POLR1A: variants seen among roughly 807,000 people sequenced by gnomAD.
POLR1A encodes RNA polymerase I subunit A, also known as DNA-directed RNA polymerase I subunit RPA1.
A neutral mutation model predicts 205.3 loss-of-function variants in POLR1A; 84 were observed. That is an observed-to-expected ratio of 0.41 (90% CI 0.34 to 0.49). The LOEUF (loss-of-function observed/expected upper bound fraction) is 0.49. POLR1A is among the 20% of genes least tolerant of loss of function. POLR1A has a pLI of 0.22. For missense variants in POLR1A, 1,645 were observed against 2,204.5 expected (o/e 0.75, Z 5.08); for synonymous variants, 799 against 863.7 (o/e 0.93, Z 1.31).
chr2:86,083,057 C>G, intron 7 of POLR1A, 25 bp downstream of exon 7: 1 of 1,548,078 alleles, frequency 6.5e-7, no homozygotes, highest in Non-Finnish European at 8.9e-7. Context: ...AAGATCAAGG[C>G]TATTTCTTTA....
chr2:86,033,644 C>G lies in POLR1A; in HGVS notation c.4161+17G>C, dbSNP rs560749685. 3 of 1,611,888 alleles carry G rather than the reference C, an allele frequency of 1.9e-6. No homozygotes were observed. Among genetic ancestry groups the G allele is most frequent in the African/African-American group, 2.7e-5 (2 of 74,982 alleles). ...CTGTCCCTGTGCAACTCTAGTGACC[C>G]CCGGGGACTCACTCACCCGACTCCT... On this transcript the variant is annotated intron_variant, in intron 28 of 33. Coordinates refer to ENST00000263857, the MANE Select transcript of POLR1A (RefSeq NM_015425.6).
intron 27 of POLR1A, among the ~76,000 whole-genome samples, chr2:86,038,466 A>C (rs1394504211): frequency 6.6e-6 from 1 of 152,226 alleles, no homozygotes; most frequent in African/African-American, 2.4e-5. Context: ...ACCCAAGAGA[A>C]GAAATGGGCT....
intron 13 of POLR1A, 144 bp downstream of exon 13, chr2:86,069,874 C>T: frequency 1.2e-6 from 1 of 820,392 alleles, no homozygotes; most frequent in Non-Finnish European, 1.8e-6. Flanking sequence ...GGCTAAAAGC[C>T]CCACCTGGGA....
intron 2 of POLR1A, among the ~76,000 whole-genome samples, chr2:86,099,356 TAAA>T (rs1183556765): frequency 5.5e-5 from 7 of 128,328 alleles, no homozygotes; most frequent in Admixed American, 8.0e-5. Context: ...GACACTGTCT[TAAA>T]AAAAAAAAAA....
chr2:86,077,296 C>T (rs1021145646), intron 11 of POLR1A, among the ~76,000 whole-genome samples: 8 of 152,050 alleles, frequency 5.3e-5, no homozygotes, highest in Non-Finnish European at 1.0e-4. Flanking sequence ...CGGAGGGGGT[C>T]GGGGGGAGAG....
Position 86,045,264 on chromosome 2 carries a change from C to G in POLR1A, c.2969+14G>C. ...TGGCACTCTACCTCAAGGGGCACGG[C>G]AGATACATTTTACCTTTGGAGATAG... is the stretch of plus-strand genomic sequence containing the variant. On this transcript the variant is annotated intron_variant, in intron 21 of 33. Coordinates refer to ENST00000263857, the MANE Select transcript of POLR1A (RefSeq NM_015425.6). 1 of 1,570,506 alleles carries G rather than the reference C, an allele frequency of 6.4e-7. No homozygotes were observed. The highest frequency in any genetic ancestry group is 8.8e-7 in the Non-Finnish European group (1 of 1,140,348).
intron 18 of POLR1A, 70 bp downstream of exon 18, chr2:86,048,814 T>C: frequency 7.0e-7 from 1 of 1,435,642 alleles, no homozygotes. Context: ...CAGGTGAGAA[T>C]CAAAATGTAA....
chr2:86,054,297 G>C lies in POLR1A; in HGVS notation c.2059-8C>G, dbSNP rs1158587832. 15 of 1,612,326 alleles carry C rather than the reference G, an allele frequency of 9.3e-6. No individual in the cohort carries two copies. The highest frequency in any genetic ancestry group is 1.1e-5 in the Non-Finnish European group (13 of 1,179,116). The stretch of plus-strand genomic sequence containing the variant: ...GAGCAGCGTTGACACAACCTGCAAA[G>C]AAAAAGAGGACAAACTGATGGCAAA... On this transcript the variant is annotated splice_region_variant and splice_polypyrimidine_tract_variant and intron_variant, in intron 14 of 33. Coordinates refer to ENST00000263857, the MANE Select transcript of POLR1A (RefSeq NM_015425.6).
chr2:86,062,009 T>C (rs1257451600), intron 14 of POLR1A, among the ~76,000 whole-genome samples: 2 of 152,148 alleles, frequency 1.3e-5, no homozygotes, highest in Non-Finnish European at 2.9e-5. Context: ...GAACAAATAA[T>C]GAGAGACCTT....
At position 86,074,846 on chromosome 2, in the gene POLR1A, G is replaced by T. The variant is rs186916252; in HGVS notation, c.1611+184C>A. ...CTGCCCTTTGAGTAGTCCTGTTTAA[G>T]GGCAGCCATTCTTCTGCCCGGAGAC... On this transcript the variant is annotated intron_variant, in intron 12 of 33. Transcript: ENST00000263857. 1.2e-4 allele frequency among the ~76,000 whole-genome samples: 18 copies of T among 152,288 alleles called. No individual in the cohort carries two copies. The East Asian group carries it at 3.5e-3, about 29-fold the overall frequency.
intron 31 of POLR1A, 63 bp downstream of exon 31, chr2:86,030,133 T>G (rs539029003): frequency 7.2e-6 from 10 of 1,381,160 alleles, no homozygotes. Flanking sequence ...AGTGGCTGGG[T>G]CTTGAGACAA....
chr2:86,098,511 G>C (rs1325328206), intron 3 of POLR1A, 100 bp downstream of exon 3: 5 of 1,192,962 alleles, frequency 4.2e-6, no homozygotes, highest in Non-Finnish European at 6.1e-6. Context: ...CAAACGTTCT[G>C]ATGACTATCG....
intron 13 of POLR1A, among the ~76,000 whole-genome samples, chr2:86,066,213 G>GA (rs1297913035): frequency 2.0e-5 from 3 of 152,192 alleles, no homozygotes; most frequent in African/African-American, 7.2e-5. Flanking sequence ...TTCCTCAAGA[G>GA]AGCTGTGAGT....
chr2:86,038,452 G>T (rs1396580110), intron 27 of POLR1A, among the ~76,000 whole-genome samples: 2 of 152,272 alleles, frequency 1.3e-5, no homozygotes, highest in Middle Eastern at 3.4e-3. Context: ...CAATCCTGAC[G>T]TCAACCCAAG....
At chr2:86,089,262 C>T (rs1673560420) in intron 4 of POLR1A, among the ~76,000 whole-genome samples, 1 of 152,244 alleles carries the variant, frequency 6.6e-6, no homozygotes, top group African/African-American at 2.4e-5. Flanking sequence ...AAGGAAGGCA[C>T]ATCCACAGTC....
At chr2:86,071,732 T>G (rs1235991429) in intron 12 of POLR1A, among the ~76,000 whole-genome samples, 1 of 152,178 alleles carries the variant, frequency 6.6e-6, no homozygotes, top group Non-Finnish European at 1.5e-5. Context: ...AAAGCTGACT[T>G]TCCTGTACCG....
At chr2:86,060,180 A>C (rs903535932) in intron 14 of POLR1A, among the ~76,000 whole-genome samples, 1 of 152,224 alleles carries the variant, frequency 6.6e-6, no homozygotes, top group African/African-American at 2.4e-5. Flanking sequence ...TGAAGGACAT[A>C]CTATGTTCAT....
At position 86,030,410 on chromosome 2, in the gene POLR1A, G is replaced by C; in HGVS notation, c.4579-14C>G. On this transcript the variant is annotated splice_polypyrimidine_tract_variant and intron_variant, in intron 30 of 33. Transcript: ENST00000263857. ...CTTCACTGTCACCTGCAAAAGGAGG[G>C]AGAGCTGGGTAGGGTGACAGCTACT... 1 of 1,599,110 alleles carries C rather than the reference G, an allele frequency of 6.3e-7. No individual in the cohort carries two copies. Among genetic ancestry groups the C allele is most frequent in the Non-Finnish European group, 8.6e-7 (1 of 1,166,862 alleles).
At position 86,031,474 on chromosome 2, in the gene POLR1A, G is replaced by T. The variant is rs759398612; in HGVS notation, c.4434C>A (p.Ala1478=). ...TGGGTTTCCGGGGCTGCGTCAGGAG[G>T]GCGGGAAGGGACGGGTCCTCCTCAG... The part of the protein sequence containing the change: ...LGTEEDPSLP[A]LLTQPRKPTH... The change falls in exon 30 of 34, where the codon GCC becomes GCA. Residue 1478 remains alanine (A), a synonymous_variant. Coordinates refer to ENST00000263857, the MANE Select transcript of POLR1A (RefSeq NM_015425.6). 2.3e-5 allele frequency: 37 copies of T among 1,614,070 alleles called. No homozygotes were observed. Among genetic ancestry groups the T allele is most frequent in the Non-Finnish European group, 2.1e-5 (25 of 1,180,016 alleles).
Sources: allele counts gnomAD v4.1 joint callset (sites outside exome capture counted in the v4.1 genomes callset), GRCh38; gene constraint gnomAD v4.1.1; transcripts MANE v1.5; gene names NCBI Gene and HGNC (gene_info 2026-07-23, HGNC 2026-07-21).